The following DUSP22 variants were observed in gnomAD, a reference collection of about 807,000 sequenced individuals.
DUSP22 encodes dual specificity protein phosphatase 22.
A neutral mutation model predicts 24.5 loss-of-function variants in DUSP22; 24 were observed. That is an observed-to-expected ratio of 0.98 (90% CI 0.71 to 1.38). The LOEUF (loss-of-function observed/expected upper bound fraction) is 1.38. DUSP22 is among the 40% of genes most tolerant of loss of function. The pLI, the probability that DUSP22 is intolerant of heterozygous loss-of-function variation, is 0.00. For missense variants in DUSP22, 330 were observed against 269.2 expected (o/e 1.23, Z -1.58); for synonymous variants, 160 against 106.4 (o/e 1.50, Z -3.10).
At chr6:303,144 C>T (rs956923219) in intron 1 of DUSP22, among the ~76,000 whole-genome samples, 5 of 152,416 alleles carry the variant, frequency 3.3e-5, no homozygotes, top group East Asian at 1.9e-4. Context: ...GAGAGACCCT[C>T]GGGAATGAGA....
chr6:305,917 T>C (rs1581149794), intron 2 of DUSP22, among the ~76,000 whole-genome samples: 1 of 152,428 alleles, frequency 6.6e-6, no homozygotes, highest in East Asian at 1.9e-4. Context: ...TTCAAATTGA[T>C]TGTACAAATA....
intron 4 of DUSP22, among the ~76,000 whole-genome samples, chr6:336,774 G>A (rs1322900851): frequency 2.0e-5 from 3 of 152,302 alleles, no homozygotes; most frequent in Non-Finnish European, 4.4e-5. Context: ...AGGCCTGGAA[G>A]GAGGAGAAGC....
At chr6:307,115 G>A (rs1455097783) in intron 2 of DUSP22, among the ~76,000 whole-genome samples, 2 of 152,308 alleles carry the variant, frequency 1.3e-5, no homozygotes, top group African/African-American at 2.4e-5. Context: ...TTCCTGGGCG[G>A]TGAATCCAGC....
At chr6:298,562 G>T (rs868325541) in intron 1 of DUSP22, among the ~76,000 whole-genome samples, 3 of 152,308 alleles carry the variant, frequency 2.0e-5, no homozygotes, top group African/African-American at 7.2e-5. Context: ...GCTTAAGTGC[G>T]TTTTTGTGGC....
intron 6 of DUSP22, chr6:348,498 T>C (rs771881919): frequency 7.9e-5 from 68 of 857,822 alleles, no homozygotes; most frequent in Non-Finnish European, 1.1e-4. Flanking sequence ...TTGTGCCTGG[T>C]ACTCCCTACT....
intron 4 of DUSP22, among the ~76,000 whole-genome samples, chr6:343,738 C>T (rs1457975673): frequency 2.2e-5 from 1 of 45,972 alleles, no homozygotes; most frequent in African/African-American, 9.8e-5. Context: ...CTGCTGTTCC[C>T]TGGCTGTCCT....
intron 4 of DUSP22, among the ~76,000 whole-genome samples, chr6:345,367 A>G (rs1759813661): frequency 6.6e-6 from 1 of 152,194 alleles, no homozygotes; most frequent in African/African-American, 2.4e-5. Context: ...GTGCCACCAC[A>G]CCCAGCTAAT....
intron 4 of DUSP22, 48 bp downstream of exon 4, chr6:335,211 T>G (rs760496659): frequency 6.3e-7 from 1 of 1,596,492 alleles, no homozygotes; most frequent in African/African-American, 1.3e-5. Context: ...AAAAAATGAA[T>G]AGAGGATGGT....
chr6:311,580 T>C (rs1295150313), intron 2 of DUSP22, among the ~76,000 whole-genome samples: 6 of 152,398 alleles, frequency 3.9e-5, no homozygotes, highest in South Asian at 2.1e-4. Flanking sequence ...CTCGGGAAGC[T>C]GAGGCAGGAG....
At chr6:348,081 T>G in intron 5 of DUSP22, 22 bp from the exon 6 acceptor site, 1 of 1,613,520 alleles carries the variant, frequency 6.2e-7, no homozygotes, top group Non-Finnish European at 8.5e-7. Context: ...CCCTCACACA[T>G]GTGCTTCTCT....
intron 4 of DUSP22, among the ~76,000 whole-genome samples, chr6:340,564 T>C (rs1461244208): frequency 2.0e-5 from 3 of 152,310 alleles, no homozygotes; most frequent in Admixed American, 2.0e-4. Context: ...TATTTACATA[T>C]GTAATGTATA....
chr6:328,102 T>C (rs1298558243), intron 3 of DUSP22, among the ~76,000 whole-genome samples: 4 of 152,302 alleles, frequency 2.6e-5, no homozygotes, highest in African/African-American at 9.6e-5. Context: ...TATCTGCTGC[T>C]GATTTCTAAG....
At position 348,772 on chromosome 6, in the gene DUSP22, C is replaced by A. The variant is rs367730431; in HGVS notation, c.439C>A (p.Arg147=). The A allele has an allele frequency of 6.2e-7, 1 of 1,614,150 alleles. No homozygotes were observed. Among genetic ancestry groups the A allele is most frequent in the East Asian group, 2.2e-5 (1 of 44,900 alleles). ...EFEKHEVHQY[R]QWLKEEYGES... ...GGTTTGTTTCCATCCTCTCCAGTAT[C>A]GGCAGTGGCTGAAGGAAGAATATGG... The change falls in exon 7 of 7, where the codon CGG becomes AGG. Residue 147 remains arginine, a synonymous_variant. Transcript: ENST00000419235.
At chr6:319,020 A>C (rs1220949399) in intron 3 of DUSP22, among the ~76,000 whole-genome samples, 1 of 152,300 alleles carries the variant, frequency 6.6e-6, no homozygotes, top group East Asian at 1.9e-4. Context: ...TATATGCATG[A>C]TAATGCACAG....
rs558569583 is a variant in DUSP22, at chr6:350,117, G to T, written c.*1166G>T. ...CCTCATTGAATGTTTTTGGAAAGGTGTTTTTTGGTATGCAAGTCAGCTTTG... is the reference window on the plus strand; with the variant it reads ...CCTCATTGAATGTTTTTGGAAAGGTTTTTTTTGGTATGCAAGTCAGCTTTG... On this transcript the variant is annotated 3_prime_UTR_variant, in exon 7 of 7. Coordinates refer to ENST00000419235, the MANE Select transcript of DUSP22 (RefSeq NM_001286555.3). 2.0e-6 allele frequency: 2 copies of T among 985,904 alleles called. No individual in the cohort carries two copies. Among genetic ancestry groups the T allele is most frequent in the Non-Finnish European group, 2.4e-6 (2 of 830,344 alleles). 61.1% of individuals were successfully genotyped at this position (985,904 alleles called of 1,614,324 possible). A position where few individuals can be genotyped will look rare whatever the true frequency, so the allele number is the denominator to read the frequency against.
rs375027089 is a variant in DUSP22, at chr6:340,456, A to T, written c.188+5293A>T. ...CCCGAAGAGGAAGCAGCTCTCTGTT[A>T]TGAAACCACCTTCCAGAGCCTGGAC... On this transcript the variant is annotated intron_variant, in intron 4 of 6. Coordinates refer to ENST00000419235, the MANE Select transcript of DUSP22 (RefSeq NM_001286555.3). Among the ~76,000 whole-genome samples the T allele has an allele frequency of 7.2e-4, 109 of 152,374 alleles. 1 individual carries two copies. The highest frequency in any genetic ancestry group is 2.4e-3 in the Admixed American group (37 of 15,300).
At chr6:312,780 ATTTTC>A (rs1373444202) in intron 3 of DUSP22, among the ~76,000 whole-genome samples, 1 of 152,298 alleles carries the variant, frequency 6.6e-6, no homozygotes, top group African/African-American at 2.4e-5. Flanking sequence ...AAATGTATCT[ATTTTC>A]TTTAGCCATT....
intron 2 of DUSP22, among the ~76,000 whole-genome samples, chr6:309,867 AC>A (rs1372575130): frequency 7.4e-4 from 113 of 152,376 alleles, no homozygotes; most frequent in African/African-American, 2.7e-3. Context: ...TACCTGCTTT[AC>A]ATTATACCCT....
At chr6:345,974 G>C in intron 5 of DUSP22, 46 bp downstream of exon 5, 1 of 1,607,024 alleles carries the variant, frequency 6.2e-7, no homozygotes, top group Non-Finnish European at 8.5e-7. Context: ...ATTCTGGTCG[G>C]CTTGGCTTCC....
Sources: gnomAD v4.1 joint callset for allele counts (sites outside exome capture counted in the v4.1 genomes callset) on GRCh38, gnomAD v4.1.1 for gene constraint, MANE v1.5 for transcripts, NCBI Gene and HGNC (gene_info 2026-07-23, HGNC 2026-07-21) for gene names.